PTPN3: variants seen among roughly 807,000 people sequenced by gnomAD.
The protein encoded by PTPN3 is protein tyrosine phosphatase non-receptor type 3, also known as tyrosine-protein phosphatase non-receptor type 3.
Under a neutral mutation model 132.7 loss-of-function variants are expected in PTPN3, and 96 were observed. The ratio of observed to expected loss-of-function variants is 0.72; its 90% CI spans 0.61 to 0.86. The LOEUF is 0.86. Ranked by LOEUF, PTPN3 falls within the 40% of genes least tolerant of loss-of-function variation. PTPN3 has a pLI of 0.00. For missense variants in PTPN3, 1,125 were observed against 1,159.6 expected (o/e 0.97, Z 0.43); for synonymous variants, 398 against 429.0 (o/e 0.93, Z 0.89).
chr9:109,392,790 G>C (rs1449589107), intron 19 of PTPN3: 4 of 152,134 alleles, frequency 2.6e-5, no homozygotes, highest in Non-Finnish European at 5.9e-5. Flanking sequence ...TTTTAGTAGA[G>C]ACAGGGTTTT....
Position 109,408,357 on chromosome 9 carries a change from C to A in PTPN3, c.1599G>T (p.Met533Ile). Residue 533 changes from methionine to isoleucine, a missense_variant, in exon 17 of 26, where the codon ATG becomes ATT. By Grantham distance (10) the Met-to-Ile change is conservative. Transcript: ENST00000374541. ...GGTTTATCCTTGATACCACAAGAGG[C>A]ATCTTTTGATCCACTCCTCCCTGTA... ...FNLKGGVDQKMPLVVSRINPE... is the reference protein window; with the variant it reads ...FNLKGGVDQKIPLVVSRINPE... 6.3e-7 allele frequency: 1 copy of A among 1,584,234 alleles called. No individual in the cohort carries two copies. The highest frequency in any genetic ancestry group is 1.2e-5 in the South Asian group (1 of 86,284).
chr9:109,427,076 C>T lies in PTPN3; in HGVS notation c.875G>A (p.Arg292Gln), dbSNP rs374370776. ...GGATTTCCACAAGTTTTTGCAAGAT[C>T]GGTAATTCAGCATGTTGAAGGCCAC... ...HIVAFNMLNY[R>Q]SCKNLWKSCV... Residue 292 changes from arginine (R) to glutamine (Q), a missense_variant, in exon 12 of 26, where the codon CGA (arginine) becomes CAA (glutamine). Arg to Gln is a conservative substitution (Grantham distance 43). Transcript: ENST00000374541. The T allele has an allele frequency of 1.4e-5, 22 of 1,613,948 alleles. No individual in the cohort carries two copies. The Admixed American group carries it at 2.8e-4, about 21-fold the overall frequency.
At chr9:109,385,149 G>C (rs2131601621) in intron 22 of PTPN3, among the ~76,000 whole-genome samples, 1 of 152,282 alleles carries the variant, frequency 6.6e-6, no homozygotes, top group Admixed American at 6.5e-5. Flanking sequence ...ATTCCACAGT[G>C]AATCTGAGCA....
At chr9:109,443,978 T>C (rs1234938315) in intron 7 of PTPN3, among the ~76,000 whole-genome samples, 1 of 152,176 alleles carries the variant, frequency 6.6e-6, no homozygotes, top group Non-Finnish European at 1.5e-5. Flanking sequence ...TTCATTTCTG[T>C]TCTTTCCTGG....
At chr9:109,502,346 T>C (rs954604257), upstream of PTPN3, among the ~76,000 whole-genome samples, 1 of 152,254 alleles carries the variant, frequency 6.6e-6, no homozygotes, top group Admixed American at 6.5e-5. Context: ...TGAGCTGAGA[T>C]GCTAATGCTC....
In PTPN3 at chr9:109,454,556, A is replaced by G. The variant is rs1325231345; in HGVS notation, c.308T>C (p.Leu103Pro). 1.2e-6 allele frequency: 2 copies of G among 1,613,514 alleles called. No homozygotes were observed. Among genetic ancestry groups the G allele is most frequent in the South Asian group, 1.1e-5 (1 of 91,052 alleles). Reference sequence around the variant, plus strand: ...TATAAAAAATCTTACTCGAAAATGCAGGGTACAGGGGAAACCTCCTACAAC... The same window carrying G: ...TATAAAAAATCTTACTCGAAAATGCGGGGTACAGGGGAAACCTCCTACAAC... The part of the protein sequence containing the change: ...KQLKGGFPCT[L>P]HFRVRFFIPD... The change falls in exon 5 of 26, where the codon CTG (leucine) becomes CCG (proline). Residue 103 changes from leucine (L) to proline (P), a missense_variant. Physicochemically the swap from Leu to Pro is moderately conservative, Grantham distance 98. Coordinates refer to ENST00000374541, the MANE Select transcript of PTPN3 (RefSeq NM_002829.4).
rs796906512 is a variant in PTPN3 at position 109,416,432 on chromosome 9, G to T, written c.1313+3992C>A. Among the ~76,000 whole-genome samples, 139 of 140,108 alleles carry T rather than the reference G, an allele frequency of 9.9e-4. 1 individual carries two copies. Among genetic ancestry groups the T allele is most frequent in the East Asian group, 2.1e-3 (8 of 3,724 alleles). The allele number at this position is 140,108 out of a possible 152,430, so 91.9% of individuals were successfully genotyped here. On this transcript the variant is annotated intron_variant, in intron 14 of 25. Coordinates refer to ENST00000374541, the MANE Select transcript of PTPN3 (RefSeq NM_002829.4). The stretch of plus-strand genomic sequence containing the variant: ...TCCTTCCAATGAACAGAAGTTTTTT[G>T]TTTTTTGTTTTTTTGTTTCTTTTTT...
chr9:109,529,245 A>T, the PTPN3 span, among the ~76,000 whole-genome samples: 1 of 152,334 alleles, frequency 6.6e-6, no homozygotes, highest in African/African-American at 2.4e-5. Context: ...TGGTTCTGAA[A>T]TCTTGGTCTC....
chr9:109,438,143 T>A lies in PTPN3; in HGVS notation c.558A>T (p.Thr186=). The A allele has an allele frequency of 6.2e-7, 1 of 1,614,032 alleles. No homozygotes were observed. Among genetic ancestry groups the A allele is most frequent in the Non-Finnish European group, 8.5e-7 (1 of 1,179,962 alleles). The change falls in exon 8 of 26, where the codon ACA becomes ACT. Residue 186 remains threonine (T), a synonymous_variant. Coordinates refer to ENST00000374541, the MANE Select transcript of PTPN3 (RefSeq NM_002829.4). ...FIPDQNEDFL[T]KVESLHEQHS... ...GCTGCTCATGCAGAGATTCGACTTT[T>A]GTTAAAAAGTCCTCATTTTGATCGG...
chr9:109,439,390 T>C (rs1422310516), intron 7 of PTPN3, among the ~76,000 whole-genome samples: 2 of 152,060 alleles, frequency 1.3e-5, no homozygotes, highest in East Asian at 1.9e-4. Context: ...AAAAAATTAG[T>C]CCTGATCTTT....
At chr9:109,408,492 T>C in intron 16 of PTPN3, 115 bp from the exon 17 acceptor site, 1 of 692,728 alleles carries the variant, frequency 1.4e-6, no homozygotes, top group Non-Finnish European at 2.4e-6. Context: ...TAAATGTGAG[T>C]CTTTGGTACA....
chr9:109,450,588 C>T, intron 5 of PTPN3: 1 of 985,118 alleles, frequency 1.0e-6, no homozygotes, highest in Non-Finnish European at 1.2e-6. Context: ...TAGTGGAACC[C>T]AACCCGAGCT....
Position 109,427,049 on chromosome 9 carries a change from C to A in PTPN3, c.902G>T (p.Cys301Phe). Residue 301 changes from cysteine (C) to phenylalanine (F), a missense_variant, in exon 12 of 26, where the codon TGT becomes TTT. By Grantham distance (205) the Cys-to-Phe change is radical. Transcript: ENST00000374541. ...YRSCKNLWKS[C>F]VEHHTFFQAK... ...CTGAAAGAACGTATGGTGCTCAACACAGGATTTCCACAAGTTTTTGCAAGA... is the reference window on the plus strand; with the variant it reads ...CTGAAAGAACGTATGGTGCTCAACAAAGGATTTCCACAAGTTTTTGCAAGA... 1.2e-6 allele frequency: 2 copies of A among 1,613,942 alleles called. No homozygotes were observed. The highest frequency in any genetic ancestry group is 1.7e-6 in the Non-Finnish European group (2 of 1,179,834).
chr9:109,460,476 T>C (rs768348154), intron 2 of PTPN3, among the ~76,000 whole-genome samples: 1 of 152,122 alleles, frequency 6.6e-6, no homozygotes, highest in Admixed American at 6.5e-5. Flanking sequence ...CAAGGCTCCA[T>C]GCGATCCCCC....
At chr9:109,388,337 C>G (rs562569844) in intron 22 of PTPN3, among the ~76,000 whole-genome samples, 1 of 152,130 alleles carries the variant, frequency 6.6e-6, no homozygotes, top group African/African-American at 2.4e-5. Context: ...AATGGATAAA[C>G]AGGGGAGGTT....
intron 1 of PTPN3, among the ~76,000 whole-genome samples, chr9:109,487,073 A>C (rs906352203): frequency 6.6e-6 from 1 of 152,210 alleles, no homozygotes; most frequent in African/African-American, 2.4e-5. Context: ...TAATATACCC[A>C]GAGATGATCA....
intron 19 of PTPN3, among the ~76,000 whole-genome samples, chr9:109,394,456 T>G (rs1237909754): frequency 7.1e-6 from 1 of 140,176 alleles, no homozygotes; most frequent in Admixed American, 7.0e-5. Context: ...GTGTTTACAT[T>G]TTTTTTTTTT....
At chr9:109,447,093 C>T (rs907353354) in intron 6 of PTPN3, among the ~76,000 whole-genome samples, 1 of 152,154 alleles carries the variant, frequency 6.6e-6, no homozygotes, top group Non-Finnish European at 1.5e-5. Context: ...GAGGACTTGA[C>T]AAGGGCCACA....
chr9:109,394,681 T>G (rs1362016449), intron 19 of PTPN3, among the ~76,000 whole-genome samples: 1 of 152,182 alleles, frequency 6.6e-6, no homozygotes, highest in Non-Finnish European at 1.5e-5. Context: ...ATACAATGAA[T>G]AATTTATACA....
Sources: allele counts gnomAD v4.1 joint callset (sites outside exome capture counted in the v4.1 genomes callset), GRCh38; gene constraint gnomAD v4.1.1; transcripts MANE v1.5; gene names NCBI Gene and HGNC (gene_info 2026-07-23, HGNC 2026-07-21).